The following MAPKAP1 variants were observed in gnomAD, a reference collection of about 807,000 sequenced individuals.
MAPKAP1 encodes the protein MAPK associated protein 1.
A neutral mutation model predicts 65.7 loss-of-function variants in MAPKAP1; 20 were observed. The ratio of observed to expected loss-of-function variants is 0.30; its 90% confidence interval spans 0.21 to 0.44. The LOEUF is 0.44. MAPKAP1 is among the 20% of genes least tolerant of loss of function. The pLI is 1.00. For missense variants in MAPKAP1, 423 were observed against 648.0 expected, an observed-to-expected ratio of 0.65 and a Z score of 3.77; for synonymous variants, 222 against 244.3, an observed-to-expected ratio of 0.91 and a Z score of 0.85.
intron 7 of MAPKAP1, among the ~76,000 whole-genome samples, chr9:125,509,173 T>A (rs1231176379): frequency 6.6e-6 from 1 of 152,136 alleles, no homozygotes; most frequent in Non-Finnish European, 1.5e-5. Flanking sequence ...CCCCAGGTGG[T>A]ACCCAAATAC....
intron 4 of MAPKAP1, among the ~76,000 whole-genome samples, chr9:125,656,898 A>G (rs1278688479): frequency 6.6e-6 from 1 of 152,198 alleles, no homozygotes; most frequent in East Asian, 1.9e-4. Flanking sequence ...TCCACCTGAA[A>G]TAGTGGCCAT....
rs1042696705 is a variant in MAPKAP1 at position 125,693,872 on chromosome 9, C to CACACAT, written c.-70+13098_-70+13099insATGTGT. Among the ~76,000 whole-genome samples the CACACAT allele has an allele frequency of 3.0e-3, 442 of 147,274 alleles. 7 individuals carry two copies. Among genetic ancestry groups the CACACAT allele is most frequent in the African/African-American group, 0.011 (411 of 39,130 alleles). The stretch of plus-strand genomic sequence containing the variant: ...ACACACACACACACACACACACACA[C>CACACAT]ATATATATATAGTTGGCCGGGCATA... On this transcript the variant is annotated intron_variant, in intron 1 of 11. Coordinates refer to ENST00000265960, the MANE Select transcript of MAPKAP1 (RefSeq NM_001006617.3).
intron 6 of MAPKAP1, among the ~76,000 whole-genome samples, chr9:125,554,547 C>T (rs952567419): frequency 6.6e-6 from 1 of 152,084 alleles, no homozygotes; most frequent in Non-Finnish European, 1.5e-5. Flanking sequence ...GCCTGTAATC[C>T]TAACACTTTG....
intron 3 of MAPKAP1, among the ~76,000 whole-genome samples, chr9:125,661,064 G>A (rs1017251804): frequency 6.6e-6 from 1 of 152,070 alleles, no homozygotes; most frequent in Non-Finnish European, 1.5e-5. Flanking sequence ...AGAAAAATAA[G>A]ACAAAAATAT....
intron 4 of MAPKAP1, among the ~76,000 whole-genome samples, chr9:125,653,684 A>T (rs1833954058): frequency 6.6e-6 from 1 of 152,202 alleles, no homozygotes; most frequent in Admixed American, 6.5e-5. Flanking sequence ...CTGAAGTCAC[A>T]CCGTAAGTGG....
rs796434209 is a variant in MAPKAP1 at position 125,689,437 on chromosome 9, A to G, written c.-69-16794T>C. 2.3e-3 allele frequency among the ~76,000 whole-genome samples: 220 copies of G among 96,650 alleles called. 1 individual carries two copies. Among genetic ancestry groups the G allele is most frequent in the Middle Eastern group, 6.3e-3 (1 of 158 alleles). The allele number at this position is 96,650 out of a possible 152,430, so 63.4% of individuals were successfully genotyped here. ...GCGACAGAGTGAGACTCCATCTCGG[A>G]AAAAAAAAAAAAAAAAAAAAAAAAA... On this transcript the variant is annotated intron_variant, in intron 1 of 11. Coordinates refer to ENST00000265960, the MANE Select transcript of MAPKAP1 (RefSeq NM_001006617.3).
At chr9:125,563,946 C>T (rs763693904) in intron 5 of MAPKAP1, among the ~76,000 whole-genome samples, 5 of 152,180 alleles carry the variant, frequency 3.3e-5, no homozygotes, top group Admixed American at 6.5e-5. Context: ...CTCCTGACCT[C>T]GTGATCCACC....
chr9:125,559,441 C>T (rs1025300853), intron 6 of MAPKAP1, 192 bp downstream of exon 6: 9 of 514,114 alleles, frequency 1.8e-5, no homozygotes, highest in Non-Finnish European at 3.1e-5. Context: ...AAGCAGTCTG[C>T]GTAGCCTAGG....
At chr9:125,561,892 A>G (rs1830904479) in intron 5 of MAPKAP1, among the ~76,000 whole-genome samples, 1 of 152,228 alleles carries the variant, frequency 6.6e-6, no homozygotes, top group Non-Finnish European at 1.5e-5. Context: ...CAAATTGTGG[A>G]TGCATATTAA....
chr9:125,573,855 A>G (rs1312075180), intron 5 of MAPKAP1, among the ~76,000 whole-genome samples: 1 of 152,198 alleles, frequency 6.6e-6, no homozygotes, highest in African/African-American at 2.4e-5. Context: ...AAGCTCTCAT[A>G]AACAGTGTTC....
chr9:125,585,785 TGCTCTCCAGG>T, intron 4 of MAPKAP1, 58 bp from the exon 5 acceptor site: 1 of 1,530,314 alleles, frequency 6.5e-7, no homozygotes, highest in Non-Finnish European at 9.0e-7. Context: ...CAGACCCCAC[TGCTCTCCAGG>T]CCTGTGGGCA....
chr9:125,562,705 ACT>A (rs781155511), intron 5 of MAPKAP1, among the ~76,000 whole-genome samples: 24 of 152,344 alleles, frequency 1.6e-4, no homozygotes, highest in Non-Finnish European at 2.9e-4. Context: ...TAAGCCAGAC[ACT>A]CTGCAAAGCG....
chr9:125,704,302 G>GCTAA (rs1835694233), intron 1 of MAPKAP1, among the ~76,000 whole-genome samples: 1 of 152,174 alleles, frequency 6.6e-6, no homozygotes. Flanking sequence ...AAATCAGGAT[G>GCTAA]CTAATAACAC....
At chr9:125,607,724 C>T (rs1006084249) in intron 4 of MAPKAP1, among the ~76,000 whole-genome samples, 13 of 152,148 alleles carry the variant, frequency 8.5e-5, no homozygotes, top group African/African-American at 2.7e-4. Context: ...GGCACGATCT[C>T]GGCTCACTGC....
At chr9:125,554,871 T>A (rs977572000) in intron 6 of MAPKAP1, among the ~76,000 whole-genome samples, 3 of 149,960 alleles carry the variant, frequency 2.0e-5, no homozygotes, top group African/African-American at 7.4e-5. Flanking sequence ...GGGGGACACA[T>A]TATAAATCAA....
intron 9 of MAPKAP1, among the ~76,000 whole-genome samples, chr9:125,473,163 G>C (rs771304257): frequency 2.0e-5 from 3 of 151,730 alleles, no homozygotes; most frequent in Non-Finnish European, 4.4e-5. Flanking sequence ...CTGCTGGGAA[G>C]GGCTCATGAG....
At chr9:125,661,618 T>G (rs535703246) in intron 3 of MAPKAP1, among the ~76,000 whole-genome samples, 1 of 152,278 alleles carries the variant, frequency 6.6e-6, no homozygotes, top group East Asian at 1.9e-4. Flanking sequence ...AATATAAATA[T>G]GCTTATATAT....
chr9:125,447,452 C>G lies in MAPKAP1; in HGVS notation c.1346-2854G>C, dbSNP rs1244538662. ...CGGTGGACAGCCACAGCAGACAGCC[C>G]CCTCTTGCTCTCTGCAAGGAGTGAT... On this transcript the variant is annotated intron_variant, in intron 10 of 11. Coordinates refer to ENST00000265960, the MANE Select transcript of MAPKAP1 (RefSeq NM_001006617.3). The surrounding 1 kb of genome is among the most constrained non-coding windows in gnomAD (Gnocchi z 4.5). The G allele has an allele frequency of 4.4e-6, 2 of 456,680 alleles. No homozygotes were observed. Among genetic ancestry groups the G allele is most frequent in the South Asian group, 3.1e-5 (2 of 64,572 alleles). 28.3% of individuals were successfully genotyped at this position (456,680 alleles called of 1,614,324 possible).
chr9:125,680,143 AT>A (rs1198159929), intron 1 of MAPKAP1, among the ~76,000 whole-genome samples: 3 of 150,630 alleles, frequency 2.0e-5, no homozygotes, highest in Non-Finnish European at 4.4e-5. Flanking sequence ...CACTATTAGC[AT>A]CAGGCAAGTT....
Sources: allele counts gnomAD v4.1 joint callset (sites outside exome capture counted in the v4.1 genomes callset), GRCh38; gene constraint gnomAD v4.1.1; non-coding constraint Gnocchi (gnomAD v3.1); transcripts MANE v1.5; gene names NCBI Gene and HGNC (gene_info 2026-07-23, HGNC 2026-07-21).